Variants in APOB observed in about 807,000 individuals in gnomAD.
The protein encoded by APOB is apolipoprotein B-100.
A neutral mutation model predicts 314.1 loss-of-function variants in APOB; 153 were observed. The ratio of observed to expected loss-of-function variants is 0.49; its 90% confidence interval spans 0.43 to 0.56. The LOEUF is 0.56. Among genes scored for constraint, APOB ranks in the 20% least tolerant of loss-of-function variants. The pLI is 0.00. For synonymous variants in APOB, 2,087 were observed against 2,036.4 expected (o/e 1.02, Z -0.67); for missense variants, 5,430 against 5,350.7 (o/e 1.01, Z -0.46).
Position 21,026,830 on chromosome 2 carries a change from T to C in APOB, c.2202A>G (p.Leu734=). The C allele has an allele frequency of 6.2e-7, 1 of 1,614,130 alleles. No individual in the cohort carries two copies. The highest frequency in any genetic ancestry group is 8.5e-7 in the Non-Finnish European group (1 of 1,179,964). The change falls in exon 15 of 29, where the codon TTA becomes TTG. Residue 734 remains leucine (L), a synonymous_variant. Transcript: ENST00000233242. ...GQVPDGVSKV[L]VDHFGYTKDD... The stretch of plus-strand genomic sequence containing the variant: ...CTTTGGTATAGCCAAAGTGGTCCAC[T>C]AAGACCTTAGAGACACCATCAGGAA...
At chr2:21,023,714 G>A (rs1205077998) in intron 16 of APOB, 22 bp from the exon 17 acceptor site, 3 of 1,570,534 alleles carry the variant, frequency 1.9e-6, no homozygotes, top group South Asian at 1.2e-5. Flanking sequence ...ACAAGGGAGA[G>A]CAAATAAAAG....
intron 5 of APOB, 70 bp from the exon 6 acceptor site, chr2:21,037,325 G>C: frequency 2.0e-6 from 3 of 1,471,798 alleles, no homozygotes; most frequent in Non-Finnish European, 2.8e-6. Flanking sequence ...GGGAGGGATG[G>C]GGTGGGGATC....
rs778924462 is a variant in APOB at position 21,008,384 on chromosome 2, C to A, written c.8484G>T (p.Val2828=). The A allele has an allele frequency of 2.5e-6, 4 of 1,614,070 alleles. No individual in the cohort carries two copies. The East Asian group carries it at 8.9e-5, about 36-fold the overall frequency. ...KINPLALKES[V]KFSSKYLRTE... ...TTCTCAGGTACTTGCTGGAGAACTT[C>A]ACTGACTCCTTCAGAGCCAGCGGAT... Residue 2828 remains valine, a synonymous_variant, in exon 26 of 29, where the codon GTG becomes GTT. Transcript: ENST00000233242.
chr2:21,020,053 T>C, intron 18 of APOB, 148 bp from the exon 19 acceptor site: 1 of 761,128 alleles, frequency 1.3e-6, no homozygotes, highest in East Asian at 2.7e-5. Flanking sequence ...GAGAAACAAA[T>C]AATATTAGAA....
chr2:21,043,434 G>A, intron 2 of APOB, 79 bp downstream of exon 2: 1 of 1,492,972 alleles, frequency 6.7e-7, no homozygotes, highest in East Asian at 2.4e-5. Context: ...CCTGTAGAGT[G>A]GGAGGCCCTC....
intron 25 of APOB, 65 bp downstream of exon 25, chr2:21,013,095 G>A (rs974593261): frequency 3.8e-6 from 6 of 1,599,284 alleles, no homozygotes; most frequent in Non-Finnish European, 5.1e-6. Context: ...CTCCCTGGAG[G>A]AGGCTCTCCT....
intron 18 of APOB, among the ~76,000 whole-genome samples, chr2:21,022,570 A>G (rs1663638340): frequency 6.6e-6 from 1 of 152,252 alleles, no homozygotes. Flanking sequence ...ATTAAGCAGT[A>G]GGTCTTAATA....
rs768573736 is a variant in APOB, at chr2:21,010,772, C to T, written c.6096G>A (p.Glu2032=). 11 of 1,613,952 alleles carry T rather than the reference C, an allele frequency of 6.8e-6. No individual in the cohort carries two copies. The highest frequency in any genetic ancestry group is 2.7e-5 in the African/African-American group (2 of 74,906). The change falls in exon 26 of 29, where the codon GAG becomes GAA. Residue 2032 remains glutamate (E), a synonymous_variant. Transcript: ENST00000233242. ...SPIKVPLLLS[E]PINIIDALEM... is the part of the protein sequence containing the mutation. ...CTAAAGCATCAATGATATTGATGGG[C>T]TCACTGAGTAAAAGTGGCACTTTAA...
chr2:21,013,824 G>C (rs1202722569), intron 24 of APOB, among the ~76,000 whole-genome samples: 1 of 152,168 alleles, frequency 6.6e-6, no homozygotes, highest in Non-Finnish European at 1.5e-5. Context: ...CTTTCTCAAA[G>C]AGCATGTCAT....
chr2:21,024,773 A>G, intron 16 of APOB, 160 bp downstream of exon 16: 2 of 775,254 alleles, frequency 2.6e-6, no homozygotes, highest in Non-Finnish European at 4.6e-6. Flanking sequence ...CATGTGATCC[A>G]AGAGTCATCT....
chr2:21,035,013 G>A lies in APOB; in HGVS notation c.819-112C>T, dbSNP rs148239505. 1.7e-5 allele frequency: 13 copies of A among 772,974 alleles called. No individual in the cohort carries two copies. The African/African-American group carries it at 1.7e-4, about 10-fold the overall frequency. The allele number at this position is 772,974 out of a possible 1,614,324, so 47.9% of individuals were successfully genotyped here. ...ACCCAAGTCCTGCCCATCTTTCAAA[G>A]CATGGGTAAATCCAGCCATTGTTGG... On this transcript the variant is annotated intron_variant, in intron 7 of 28. Transcript: ENST00000233242.
intron 4 of APOB, among the ~76,000 whole-genome samples, chr2:21,039,173 A>T (rs1337645265): frequency 5.3e-5 from 8 of 152,252 alleles, no homozygotes; most frequent in African/African-American, 1.9e-4. Context: ...TACAGTAGAT[A>T]TTGCCTGATG....
At position 21,011,404 on chromosome 2, in the gene APOB, G is replaced by C; in HGVS notation, c.5464C>G (p.His1822Asp). 3 of 1,614,104 alleles carry C rather than the reference G, an allele frequency of 1.9e-6. No individual in the cohort carries two copies. The highest frequency in any genetic ancestry group is 2.5e-6 in the Non-Finnish European group (3 of 1,180,024). The change falls in exon 26 of 29, where the codon CAT becomes GAT. Residue 1822 changes from histidine to aspartate, a missense_variant. Coordinates refer to ENST00000233242, the MANE Select transcript of APOB (RefSeq NM_000384.3). ...GKLRLEPLKL[H>D]VAGNLKGAYQ... ...GCTCCTTTTAGGTTACCAGCCACAT[G>C]CAGCTTCAGGGGTTCTAGCCGTAGT... is the stretch of plus-strand genomic sequence containing the variant.
chr2:21,009,457 C>T lies in APOB; in HGVS notation c.7411G>A (p.Glu2471Lys). ...QKAEALKLFL[E>K]ETKATVAVYL... ...ACTGCAACTGTGGCCTTGGTTTCCT[C>T]TAAAAACAGTTTTAATGCTTCAGCT... The change falls in exon 26 of 29, where the codon GAG (glutamate) becomes AAG (lysine). Residue 2471 changes from glutamate (E) to lysine (K), a missense_variant. Glu to Lys is a moderately conservative substitution (Grantham distance 56). Coordinates refer to ENST00000233242, the MANE Select transcript of APOB (RefSeq NM_000384.3). 1.2e-6 allele frequency: 2 copies of T among 1,614,052 alleles called. No individual in the cohort carries two copies.
rs751655085 is a variant in APOB, at chr2:21,009,175, C to T, written c.7693G>A (p.Ala2565Thr). Residue 2565 changes from alanine (A) to threonine (T), a missense_variant, in exon 26 of 29, where the codon GCA becomes ACA. This residue lies in a region of APOB where 3,281 missense variants were observed against 3,171.0 expected (regional missense o/e 1.03). Transcript: ENST00000233242. ...CAATCTTGGATAGAATATTGCTCTG[C>T]AAAGTCAGTAAGGTTCTTAGCAGCA... ...TLAAKNLTDF[A>T]EQYSIQDWAK... 1.2e-5 allele frequency: 20 copies of T among 1,614,062 alleles called. 2 individuals are homozygous for T. The South Asian group carries it at 2.1e-4, about 17-fold the overall frequency.
Position 21,034,845 on chromosome 2 carries a change from G to C in APOB, c.875C>G (p.Pro292Arg), listed in dbSNP as rs755277795. ...ACCAAAGAAGCGGCTGTTGATCTTT[G>C]GTGTGTCTTCAAGTTTCAAAGTCTG... ...VTQTLKLEDT[P>R]KINSRFFGEG... The change falls in exon 8 of 29, where the codon CCA becomes CGA. Residue 292 changes from proline to arginine, a missense_variant. Around this residue, in one of 3 missense-constraint regions of APOB, gnomAD observed 2,085 missense variants for 2,079.7 expected, o/e 1.00. Transcript: ENST00000233242. 1 of 1,605,336 alleles carries C rather than the reference G, an allele frequency of 6.2e-7. No homozygotes were observed. Among genetic ancestry groups the C allele is most frequent in the East Asian group, 2.2e-5 (1 of 44,834 alleles).
At chr2:21,027,758 G>T in intron 14 of APOB, 70 bp downstream of exon 14, 2 of 1,217,718 alleles carry the variant, frequency 1.6e-6, no homozygotes, top group Non-Finnish European at 2.4e-6. Flanking sequence ...GTAGCTCCTG[G>T]CTCCCAGGGA....
chr2:21,015,068 C>G lies in APOB; in HGVS notation c.3696+5G>C. On this transcript the variant is annotated splice_donor_5th_base_variant and intron_variant, in intron 23 of 28. Transcript: ENST00000233242. ...GTATTTATTGACTGGCAGACTCATACTTACAACTATTAATTTGGAACCCAC... is the reference window on the plus strand; with the variant it reads ...GTATTTATTGACTGGCAGACTCATAGTTACAACTATTAATTTGGAACCCAC... 1 of 1,613,210 alleles carries G rather than the reference C, an allele frequency of 6.2e-7. No individual in the cohort carries two copies. Among genetic ancestry groups the G allele is most frequent in the Non-Finnish European group, 8.5e-7 (1 of 1,179,340 alleles).
chr2:21,003,436 A>C lies in APOB; in HGVS notation c.12088-102T>G. The C allele has an allele frequency of 3.9e-6, 4 of 1,027,622 alleles. No individual in the cohort carries two copies. In the South Asian group the frequency reaches 5.4e-5, roughly 14 times the overall value. 63.7% of individuals were successfully genotyped at this position (1,027,622 alleles called of 1,614,324 possible). A position where few individuals can be genotyped will look rare whatever the true frequency, so the allele number is the denominator to read the frequency against. ...AGCAGTTAAAAATAAAGATCAGAGA[A>C]TCTTTCATATACTGAAAGGGATTTA... On this transcript the variant is annotated intron_variant, in intron 28 of 28. Coordinates refer to ENST00000233242, the MANE Select transcript of APOB (RefSeq NM_000384.3).
Sources: allele counts gnomAD v4.1 joint callset (sites outside exome capture counted in the v4.1 genomes callset), GRCh38; gene constraint gnomAD v4.1.1; regional missense constraint gnomAD v4.1.1; transcripts MANE v1.5; gene names NCBI Gene and HGNC (gene_info 2026-07-23, HGNC 2026-07-21).